Variants in SLC16A14 observed in about 807,000 individuals in gnomAD.
SLC16A14 encodes monocarboxylate transporter 14.
SLC16A14 carries 14 observed loss-of-function variants against 35.8 expected under a neutral mutation model. The ratio of observed to expected loss-of-function variants is 0.39; its 90% confidence interval spans 0.26 to 0.61. SLC16A14 has a LOEUF of 0.61. SLC16A14 is among the 20% of genes least tolerant of loss of function. The pLI is 0.51. For missense variants in SLC16A14, 533 were observed against 655.0 expected (o/e 0.81, Z 2.03); for synonymous variants, 248 against 258.9 (o/e 0.96, Z 0.40).
At chr2:230,051,959 C>T (rs1269373734) in intron 2 of SLC16A14, among the ~76,000 whole-genome samples, 16 of 142,432 alleles carry the variant, frequency 1.1e-4, no homozygotes, top group African/African-American at 2.9e-4. Context: ...TTTTTTGAGA[C>T]GGAGTTTAGC....
rs926942177 is a variant in SLC16A14, at chr2:230,065,015, C to G, written c.-15+3540G>C. 6.1e-5 allele frequency among the ~76,000 whole-genome samples: 9 copies of G among 147,154 alleles called. No individual in the cohort carries two copies. The East Asian group carries it at 1.5e-3, about 25-fold the overall frequency. On this transcript the variant is annotated intron_variant, in intron 1 of 4. Coordinates refer to ENST00000295190, the MANE Select transcript of SLC16A14 (RefSeq NM_152527.5). ...ACAAGAGTGAAACTCCATCTCAAAA[C>G]AAACAAACAACAACAGGAAAAAGTT...
intron 1 of SLC16A14, among the ~76,000 whole-genome samples, chr2:230,065,761 A>G (rs1480691202): frequency 2.0e-5 from 3 of 152,114 alleles, no homozygotes; most frequent in Non-Finnish European, 4.4e-5. Context: ...TAGCATTCAT[A>G]TAATTATATA....
At position 230,059,169 on chromosome 2, in the gene SLC16A14, G is replaced by A. The variant is rs1370700281; in HGVS notation, c.184C>T (p.Leu62=). ...CCGCGGCTCTGGTGGAATTCTTCCAGCCATTCCACGTTGAGGACACCCAGG... is the reference window on the plus strand; with the variant it reads ...CCGCGGCTCTGGTGGAATTCTTCCAACCATTCCACGTTGAGGACACCCAGG... ...MALGVLNVEW[L]EEFHQSRGLT... Residue 62 remains leucine, a synonymous_variant, in exon 2 of 5, where the codon CTG becomes TTG. Transcript: ENST00000295190. 1.9e-6 allele frequency: 3 copies of A among 1,614,056 alleles called. No homozygotes were observed. Among genetic ancestry groups the A allele is most frequent in the East Asian group, 4.5e-5 (2 of 44,890 alleles).
At chr2:230,043,795 C>G (rs926252624) in intron 4 of SLC16A14, among the ~76,000 whole-genome samples, 16 of 152,234 alleles carry the variant, frequency 1.1e-4, no homozygotes, top group African/African-American at 3.9e-4. Context: ...TCACACAGTA[C>G]CTGGTGTCTT....
rs114582037 is a variant in SLC16A14, at chr2:230,054,920, A to G, written c.259+4174T>C. On this transcript the variant is annotated intron_variant, in intron 2 of 4. Coordinates refer to ENST00000295190, the MANE Select transcript of SLC16A14 (RefSeq NM_152527.5). ...AGAAAAAAAAAAAAAAGAAGAAGAA[A>G]AAAAGAAAAAACCACGGACCTTTCT... Among the ~76,000 whole-genome samples the G allele has an allele frequency of 6.7e-3, 1,026 of 152,252 alleles. 14 individuals carry two copies. The highest frequency in any genetic ancestry group is 0.021 in the African/African-American group (890 of 41,542).
chr2:230,059,599 A>T (rs546697521), intron 1 of SLC16A14, among the ~76,000 whole-genome samples: 4 of 152,296 alleles, frequency 2.6e-5, no homozygotes, highest in Admixed American at 2.0e-4. Flanking sequence ...TAGGTATTAC[A>T]ATCTTGGGAA....
At chr2:230,040,182 T>C (rs1186362796) in intron 4 of SLC16A14, among the ~76,000 whole-genome samples, 3 of 152,046 alleles carry the variant, frequency 2.0e-5, no homozygotes, top group Non-Finnish European at 4.4e-5. Context: ...CTGTTAAGTA[T>C]ATTACATATT....
chr2:230,067,375 C>T (rs576868389), intron 1 of SLC16A14: 1 of 152,260 alleles, frequency 6.6e-6, no homozygotes, highest in Admixed American at 6.5e-5. Context: ...CATGAATGTC[C>T]GCATTTTACA....
chr2:230,064,314 A>G (rs61621319), intron 1 of SLC16A14, among the ~76,000 whole-genome samples: 55,439 of 127,956 alleles, frequency 0.43, 11,077 homozygotes, highest in East Asian at 0.77. Flanking sequence ...GTGTGTGTGT[A>G]TGTGTGTGTG....
rs913120085 is a variant in SLC16A14 at position 230,058,861 on chromosome 2, G to A, written c.259+233C>T. The stretch of plus-strand genomic sequence containing the variant: ...TTGGCCAGGCTGATCTCGAACATCC[G>A]ACCTCAACTGATCCACCCAACTTGG... On this transcript the variant is annotated intron_variant, in intron 2 of 4. Transcript: ENST00000295190. Among the ~76,000 whole-genome samples the A allele has an allele frequency of 2.6e-5, 4 of 152,136 alleles. No individual in the cohort carries two copies. In the East Asian group the frequency reaches 7.7e-4, roughly 29 times the overall value.
intron 1 of SLC16A14, chr2:230,066,868 C>G: frequency 4.1e-6 from 1 of 242,612 alleles, no homozygotes; most frequent in Non-Finnish European, 8.3e-6. Context: ...CTCAGATGAT[C>G]CACCCGCCTC....
intron 3 of SLC16A14, among the ~76,000 whole-genome samples, chr2:230,049,204 G>T (rs1297371724): frequency 6.7e-6 from 1 of 150,256 alleles, no homozygotes; most frequent in Non-Finnish European, 1.5e-5. Context: ...TGAGGAGCTG[G>T]GATTACAGGC....
intron 2 of SLC16A14, among the ~76,000 whole-genome samples, chr2:230,054,094 G>GC (rs1553820335): frequency 6.6e-6 from 1 of 151,436 alleles, no homozygotes; most frequent in Non-Finnish European, 1.5e-5. Flanking sequence ...GGTGGGGGGG[G>GC]AAGTTAAAGC....
rs1465495688 is a variant in SLC16A14 at position 230,046,745 on chromosome 2, GA to G, written c.404-24del. On this transcript the variant is annotated intron_variant, in intron 3 of 4. Transcript: ENST00000295190. This position sits in a 1 kb window ranked among gnomAD's most constrained non-coding sequence, Gnocchi z 5.0. ...GGCCTGTACAGGCCGACGGGGGGAA[GA>G]AAAGACACAGTGCAACATCAGTGGC... The G allele has an allele frequency of 2.9e-5, 45 of 1,569,868 alleles. No homozygotes were observed. The highest frequency in any genetic ancestry group is 3.9e-5 in the Non-Finnish European group (45 of 1,163,690).
chr2:230,051,771 A>G (rs1040597133), intron 2 of SLC16A14, among the ~76,000 whole-genome samples: 10 of 152,306 alleles, frequency 6.6e-5, no homozygotes, highest in South Asian at 2.1e-4. Context: ...TCATGTGTAT[A>G]TCTGGGTACA....
chr2:230,065,771 A>AATCAAAAATATAATT (rs2077790380), intron 1 of SLC16A14, among the ~76,000 whole-genome samples: 1 of 152,038 alleles, frequency 6.6e-6, no homozygotes, highest in South Asian at 2.1e-4. Flanking sequence ...ATAATTATAT[A>AATCAAAAATATAATT]CATGTATAAT....
intron 3 of SLC16A14, among the ~76,000 whole-genome samples, chr2:230,047,275 T>C (rs2077616848): frequency 6.6e-6 from 1 of 150,942 alleles, no homozygotes; most frequent in African/African-American, 2.4e-5. Context: ...TAGGGAAGAG[T>C]TTCTAATGTA....
intron 2 of SLC16A14, among the ~76,000 whole-genome samples, chr2:230,054,115 G>T (rs2077685928): frequency 6.6e-6 from 1 of 152,052 alleles, no homozygotes. Flanking sequence ...TCCCCAGGTG[G>T]ATCTGATGTG....
chr2:230,053,870 C>A (rs1005606295), intron 2 of SLC16A14, among the ~76,000 whole-genome samples: 1 of 152,116 alleles, frequency 6.6e-6, no homozygotes, highest in African/African-American at 2.4e-5. Context: ...TGGAAAAAAG[C>A]GCTGGTAGAG....
Sources: allele counts gnomAD v4.1 joint callset (sites outside exome capture counted in the v4.1 genomes callset), GRCh38; gene constraint gnomAD v4.1.1; non-coding constraint Gnocchi (gnomAD v3.1); transcripts MANE v1.5; gene names NCBI Gene and HGNC (gene_info 2026-07-23, HGNC 2026-07-21).